The following SCFD2 variants were observed in gnomAD, a reference collection of about 807,000 sequenced individuals.
SCFD2 encodes the protein sec1 family domain containing 2.
Under a neutral mutation model 58.9 loss-of-function variants are expected in SCFD2, and 54 were observed. That is an observed-to-expected ratio of 0.92 (90% CI 0.74 to 1.15). The LOEUF (loss-of-function observed/expected upper bound fraction) is 1.15, where lower values mean the gene tolerates loss of function less well. SCFD2 is among the 50% of genes most tolerant of loss of function. The pLI is 0.00. For synonymous variants in SCFD2, 321 were observed against 335.9 expected (o/e 0.96, Z 0.49); for missense variants, 805 against 836.6 (o/e 0.96, Z 0.47).
intron 5 of SCFD2, among the ~76,000 whole-genome samples, chr4:53,063,636 G>C (rs1460737815): frequency 2.6e-5 from 4 of 152,098 alleles, no homozygotes; most frequent in Non-Finnish European, 4.4e-5. Context: ...AAATCTGTCT[G>C]ACTCTAGGAC....
intron 2 of SCFD2, among the ~76,000 whole-genome samples, chr4:53,337,512 G>C (rs1441795702): frequency 6.6e-6 from 1 of 152,132 alleles, no homozygotes; most frequent in African/African-American, 2.4e-5. Context: ...CATATGTATT[G>C]CTGGTGGAAG....
chr4:53,339,579 G>C (rs547530810), intron 2 of SCFD2, among the ~76,000 whole-genome samples: 1 of 152,206 alleles, frequency 6.6e-6, no homozygotes, highest in East Asian at 1.9e-4. Context: ...AGAGCAGCCT[G>C]GCCAACATGG....
intron 5 of SCFD2, among the ~76,000 whole-genome samples, chr4:53,007,335 G>GAGA (rs1560508028): frequency 2.0e-3 from 79 of 39,168 alleles, no homozygotes; most frequent in South Asian, 4.4e-3. Flanking sequence ...AGAGAGAGAG[G>GAGA]GAGAGAGAGA....
chr4:53,331,376 CAG>C (rs1444028175), intron 2 of SCFD2, among the ~76,000 whole-genome samples: 6 of 152,048 alleles, frequency 3.9e-5, no homozygotes, highest in Non-Finnish European at 7.4e-5. Context: ...TGTAAAAGAA[CAG>C]AAATTATAAT....
In SCFD2 at chr4:53,236,831, TATTTATTTATTTATTTA is replaced by T. The variant is rs1227816554; in HGVS notation, c.1311+36978_1311+36994del. Among the ~76,000 whole-genome samples the T allele has an allele frequency of 2.8e-4, 39 of 140,348 alleles. 1 individual carries two copies. In the South Asian group the frequency reaches 6.6e-3, roughly 24 times the overall value. The allele number at this position is 140,348 out of a possible 152,430, so 92.1% of individuals were successfully genotyped here. ...TGTTTTATTTATTTATTTATTTATT[TATTTATTTATTTATTTA>T]TTTATTTTTTATTGATAATTCTTGG... On this transcript the variant is annotated intron_variant, in intron 4 of 8. Transcript: ENST00000401642.
intron 5 of SCFD2, among the ~76,000 whole-genome samples, chr4:53,061,813 T>G (rs112922199): frequency 4.6e-5 from 7 of 152,250 alleles, no homozygotes; most frequent in African/African-American, 1.7e-4. Context: ...ATTTCCATTA[T>G]GCAAATCTGA....
intron 3 of SCFD2, among the ~76,000 whole-genome samples, chr4:53,303,474 A>G (rs1732402803): frequency 6.6e-6 from 1 of 152,194 alleles, no homozygotes; most frequent in Non-Finnish European, 1.5e-5. Flanking sequence ...GAGGATGTGG[A>G]AAAATAGGAA....
At chr4:53,213,357 T>G (rs1728685850) in intron 4 of SCFD2, among the ~76,000 whole-genome samples, 1 of 152,060 alleles carries the variant, frequency 6.6e-6, no homozygotes, top group African/African-American at 2.4e-5. Flanking sequence ...AAACCTTCTT[T>G]GTAATAGAGT....
At chr4:53,012,845 T>TTC (rs1722129639) in intron 5 of SCFD2, among the ~76,000 whole-genome samples, 1 of 150,742 alleles carries the variant, frequency 6.6e-6, no homozygotes, top group South Asian at 2.1e-4. Flanking sequence ...TGTTTTTTTT[T>TTC]AAGAGAGAGA....
At chr4:53,275,497 G>C (rs1455547471) in intron 3 of SCFD2, among the ~76,000 whole-genome samples, 1 of 152,058 alleles carries the variant, frequency 6.6e-6, no homozygotes, top group Non-Finnish European at 1.5e-5. Flanking sequence ...TTAATACTTT[G>C]TTTCTTTATC....
At chr4:53,121,404 T>G (rs1321042265) in intron 5 of SCFD2, among the ~76,000 whole-genome samples, 1 of 152,222 alleles carries the variant, frequency 6.6e-6, no homozygotes, top group Non-Finnish European at 1.5e-5. Flanking sequence ...GCTATTCATG[T>G]GAAGTCTCTA....
At chr4:52,975,055 A>G (rs1301622020) in intron 5 of SCFD2, among the ~76,000 whole-genome samples, 1 of 152,210 alleles carries the variant, frequency 6.6e-6, no homozygotes, top group African/African-American at 2.4e-5. Flanking sequence ...TAGACCTAAA[A>G]CCATAAAAAC....
chr4:53,237,715 CG>C (rs1729692313), intron 4 of SCFD2, among the ~76,000 whole-genome samples: 4 of 109,822 alleles, frequency 3.6e-5, no homozygotes, highest in Admixed American at 3.4e-4. Flanking sequence ...CCAGTAGGGG[CG>C]GCCAGGCAGA....
In SCFD2 at chr4:53,352,630, A is replaced by G. The variant is rs567888822; in HGVS notation, c.975T>C (p.Asn325=). 101 of 1,613,900 alleles carry G rather than the reference A, an allele frequency of 6.3e-5. 1 individual carries two copies. The South Asian group carries it at 1.1e-3, about 17-fold the overall frequency. Residue 325 remains asparagine, a synonymous_variant, in exon 2 of 9, where the codon AAT becomes AAC. Transcript: ENST00000401642. ...GTGAAAGACAGCCTGGTGCAACCAC[A>G]TTATAATTTTCCTCCTCAGTATGGA... ...TALHTEEENY[N]VVAPGCLSQS... is the part of the protein sequence containing the mutation.
intron 7 of SCFD2, among the ~76,000 whole-genome samples, chr4:52,887,011 C>T (rs1577798618): frequency 6.6e-6 from 1 of 152,304 alleles, no homozygotes; most frequent in Middle Eastern, 3.4e-3. Context: ...TATTTGTTTA[C>T]TTGTTGGCCA....
intron 2 of SCFD2, among the ~76,000 whole-genome samples, chr4:53,341,981 C>T (rs547855742): frequency 6.7e-4 from 102 of 152,216 alleles, no homozygotes; most frequent in African/African-American, 2.3e-3. Flanking sequence ...AAGGAACAAC[C>T]GGTACCAGCC....
In SCFD2 at chr4:53,145,546, G is replaced by A. The variant is rs1408035822; in HGVS notation, c.1348C>T (p.Gln450Ter). The change falls in exon 5 of 9, where the codon CAG becomes TAG. Residue 450 changes from glutamine to a stop codon, truncating the protein, a stop_gained. Transcript: ENST00000401642. LOFTEE classifies it high-confidence loss of function. ...ACAGGCTTAATCATGGGCAGCAGCT[G>A]ATTTAACACAACGGACATTGCTGAC... ...GESAMSVVLN[Q>*]LLPMIKPVTQ... 6.2e-7 allele frequency: 1 copy of A among 1,613,912 alleles called. No homozygotes were observed. The highest frequency in any genetic ancestry group is 1.3e-5 in the African/African-American group (1 of 74,884).
At chr4:53,081,746 G>T (rs953929394) in intron 5 of SCFD2, among the ~76,000 whole-genome samples, 1 of 151,982 alleles carries the variant, frequency 6.6e-6, no homozygotes, top group Non-Finnish European at 1.5e-5. Context: ...TGACAAGATT[G>T]TACAAGTGTC....
chr4:53,139,798 G>A (rs982521019), intron 5 of SCFD2, among the ~76,000 whole-genome samples: 14 of 152,232 alleles, frequency 9.2e-5, no homozygotes, highest in African/African-American at 3.1e-4. Flanking sequence ...AAGAGAGATC[G>A]GATTGTTACT....
Sources: allele counts gnomAD v4.1 joint callset (sites outside exome capture counted in the v4.1 genomes callset), GRCh38; gene constraint gnomAD v4.1.1; transcripts MANE v1.5; gene names NCBI Gene and HGNC (gene_info 2026-07-23, HGNC 2026-07-21).